NR2C2: variants seen among roughly 807,000 people sequenced by gnomAD.
NR2C2 encodes the protein nuclear receptor subfamily 2 group C member 2, also known as Nuclear hormone receptor TR4.
In NR2C2, 6 loss-of-function variants were observed where a neutral mutation model predicts 62.9. The ratio of observed to expected loss-of-function variants is 0.10; its 90% confidence interval spans 0.05 to 0.19. NR2C2 has a LOEUF of 0.19. Ranked by LOEUF, NR2C2 falls within the 10% of genes least tolerant of loss-of-function variation. NR2C2 has a pLI of 1.00. For synonymous variants in NR2C2, 272 were observed against 273.8 expected, an observed-to-expected ratio of 0.99 and a Z score of 0.07; for missense variants, 479 against 762.7, an observed-to-expected ratio of 0.63 and a Z score of 4.38.
chr3:15,019,865 T>G (rs60752904), intron 4 of NR2C2, among the ~76,000 whole-genome samples: 1,935 of 152,290 alleles, frequency 0.013, 47 homozygotes, highest in African/African-American at 0.044. Flanking sequence ...TAGCTAACAA[T>G]AAGGTATTAT....
chr3:15,005,650 C>A (rs1388864043), intron 2 of NR2C2, among the ~76,000 whole-genome samples: 1 of 151,804 alleles, frequency 6.6e-6, no homozygotes, highest in African/African-American at 2.4e-5. Context: ...TTTGCCTCAG[C>A]CTCCCAAGTA....
At chr3:14,982,809 G>A (rs574862540) in intron 1 of NR2C2, among the ~76,000 whole-genome samples, 2 of 152,282 alleles carry the variant, frequency 1.3e-5, no homozygotes, top group East Asian at 1.9e-4. Flanking sequence ...TTGAATGGAA[G>A]TGTTGATAGC....
chr3:15,020,777 G>A lies in NR2C2; in HGVS notation c.401G>A (p.Cys134Tyr). 6.2e-7 allele frequency: 1 copy of A among 1,614,168 alleles called. No homozygotes were observed. The highest frequency in any genetic ancestry group is 8.5e-7 in the Non-Finnish European group (1 of 1,180,018). ...GGCCGTCACTATGGGGCTGTCAGTT[G>A]TGAAGGTTGCAAAGGTTTCTTCAAA... Reference protein sequence around the residue: ...ASGRHYGAVSCEGCKGFFKRS... With the variant: ...ASGRHYGAVSYEGCKGFFKRS... Residue 134 changes from cysteine (C) to tyrosine (Y), a missense_variant, in exon 5 of 14, where the codon TGT becomes TAT. Around this residue, in one of 4 missense-constraint regions of NR2C2, gnomAD observed 51 missense variants for 137.5 expected, o/e 0.37. Coordinates refer to ENST00000425241, the MANE Select transcript of NR2C2 (RefSeq NM_001291694.2).
chr3:14,950,211 C>G (rs542559082), intron 1 of NR2C2, among the ~76,000 whole-genome samples: 1 of 151,602 alleles, frequency 6.6e-6, no homozygotes, highest in Non-Finnish European at 1.5e-5. Context: ...ATTCGAACAC[C>G]GAGATTCTAG....
intron 1 of NR2C2, among the ~76,000 whole-genome samples, chr3:14,955,153 C>T (rs974890878): frequency 3.3e-5 from 5 of 152,070 alleles, no homozygotes; most frequent in African/African-American, 9.6e-5. Context: ...TTTGTATCTG[C>T]GTGTTGTAGT....
At chr3:14,974,928 A>G (rs2040159429) in intron 1 of NR2C2, among the ~76,000 whole-genome samples, 1 of 152,212 alleles carries the variant, frequency 6.6e-6, no homozygotes, top group African/African-American at 2.4e-5. Context: ...TTTTAAGTGT[A>G]TACTTAAATG....
intron 1 of NR2C2, among the ~76,000 whole-genome samples, chr3:14,955,508 A>G (rs1355873999): frequency 6.6e-6 from 1 of 151,944 alleles, no homozygotes; most frequent in African/African-American, 2.4e-5. Context: ...TCTAGAGGGA[A>G]TGTTGCGATT....
At chr3:15,022,966 T>G (rs2041718786) in intron 5 of NR2C2, among the ~76,000 whole-genome samples, 1 of 152,238 alleles carries the variant, frequency 6.6e-6, no homozygotes, top group Non-Finnish European at 1.5e-5. Context: ...GCTGCAGTTT[T>G]TTTTAGCAGG....
At chr3:14,970,253 T>G (rs2039996936) in intron 1 of NR2C2, among the ~76,000 whole-genome samples, 2 of 122,868 alleles carry the variant, frequency 1.6e-5, no homozygotes, top group South Asian at 6.5e-4. Context: ...GATACTGTCT[T>G]TTTTGGGGGC....
chr3:15,040,199 C>T (rs564005164), intron 13 of NR2C2, among the ~76,000 whole-genome samples: 10 of 152,054 alleles, frequency 6.6e-5, no homozygotes, highest in South Asian at 6.2e-4. Context: ...AACCCTTTCT[C>T]GTGCAGCTTT....
At chr3:14,991,444 G>C (rs1218342174) in intron 1 of NR2C2, among the ~76,000 whole-genome samples, 1 of 152,122 alleles carries the variant, frequency 6.6e-6, no homozygotes, top group Non-Finnish European at 1.5e-5. Context: ...ACTAAAGGAG[G>C]GTATGTGGTA....
chr3:15,038,577 G>T (rs2042167374), intron 12 of NR2C2: 1 of 165,776 alleles, frequency 6.0e-6, no homozygotes, highest in Non-Finnish European at 1.3e-5. Flanking sequence ...TATGTTCGCA[G>T]GAGATGAAGA....
intron 1 of NR2C2, chr3:14,959,107 C>G (rs1301247034): frequency 6.6e-6 from 1 of 152,212 alleles, no homozygotes; most frequent in Non-Finnish European, 1.5e-5. Flanking sequence ...TCTGGTGGTA[C>G]TTTTTCAAAG....
chr3:15,016,568 T>C (rs1037536430), intron 4 of NR2C2, among the ~76,000 whole-genome samples: 2 of 152,250 alleles, frequency 1.3e-5, no homozygotes, highest in Non-Finnish European at 2.9e-5. Flanking sequence ...ACTTGGCTAT[T>C]TTACAAGGTG....
intron 1 of NR2C2, among the ~76,000 whole-genome samples, chr3:14,965,932 G>A (rs992758486): frequency 2.6e-5 from 4 of 152,100 alleles, no homozygotes; most frequent in Non-Finnish European, 5.9e-5. Flanking sequence ...GCCTCCCAAA[G>A]TGCTGGGATT....
intron 1 of NR2C2, among the ~76,000 whole-genome samples, chr3:14,970,981 G>A (rs2040018646): frequency 6.6e-6 from 1 of 152,160 alleles, no homozygotes; most frequent in African/African-American, 2.4e-5. Context: ...TAAATTACAT[G>A]AGAAATTCAA....
At chr3:14,973,281 A>G (rs111336228) in intron 1 of NR2C2, among the ~76,000 whole-genome samples, 4 of 152,148 alleles carry the variant, frequency 2.6e-5, no homozygotes, top group African/African-American at 7.2e-5. Context: ...GCTGGAATGC[A>G]TTGGCACAAA....
At chr3:15,013,273 G>T (rs973914674) in intron 2 of NR2C2, among the ~76,000 whole-genome samples, 1 of 152,142 alleles carries the variant, frequency 6.6e-6, no homozygotes, top group African/African-American at 2.4e-5. Flanking sequence ...TTGTTATTAG[G>T]TGAGGACAAG....
intron 1 of NR2C2, among the ~76,000 whole-genome samples, chr3:14,968,902 G>A (rs561126967): frequency 2.7e-5 from 4 of 145,780 alleles, no homozygotes; most frequent in Admixed American, 1.4e-4. Flanking sequence ...ACCAAACACC[G>A]CATATTCTCA....
Sources: gnomAD v4.1 joint callset for allele counts (sites outside exome capture counted in the v4.1 genomes callset) on GRCh38, gnomAD v4.1.1 for gene constraint, gnomAD v4.1.1 regional missense constraint, MANE v1.5 for transcripts, NCBI Gene and HGNC (gene_info 2026-07-23, HGNC 2026-07-21) for gene names.